POU6F2: variants seen among roughly 807,000 people sequenced by gnomAD.
The protein encoded by POU6F2 is POU class 6 homeobox 2.
POU6F2 carries 31 observed loss-of-function variants against 71.3 expected under a neutral mutation model. The observed-to-expected ratio is 0.43, with a 90% CI of 0.33 to 0.59. The LOEUF (loss-of-function observed/expected upper bound fraction) is 0.59. POU6F2 is among the 20% of genes least tolerant of loss of function. The pLI is 0.04. For synonymous variants in POU6F2, 347 were observed against 355.7 expected, an observed-to-expected ratio of 0.98 and a Z score of 0.27; for missense variants, 783 against 856.8, an observed-to-expected ratio of 0.91 and a Z score of 1.07.
At chr7:39,028,299 C>T (rs34013745) in intron 1 of POU6F2, among the ~76,000 whole-genome samples, 30,403 of 151,804 alleles carry the variant, frequency 0.2, 3,378 homozygotes, top group South Asian at 0.35. Context: ...TGTTGCTGGG[C>T]GGACATTTTT....
chr7:39,376,080 G>GA (rs1786704970), intron 5 of POU6F2, among the ~76,000 whole-genome samples: 1 of 151,964 alleles, frequency 6.6e-6, no homozygotes, highest in South Asian at 2.1e-4. Flanking sequence ...TTATTTGAAG[G>GA]AAAAAAATCC....
chr7:39,288,192 T>G (rs1334229865), intron 4 of POU6F2, among the ~76,000 whole-genome samples: 2 of 152,240 alleles, frequency 1.3e-5, no homozygotes, highest in Non-Finnish European at 2.9e-5. Context: ...TTGTGAGAGA[T>G]AATGTTAACA....
chr7:39,309,024 T>G (rs1039436324), intron 4 of POU6F2, among the ~76,000 whole-genome samples: 1 of 152,266 alleles, frequency 6.6e-6, no homozygotes, highest in African/African-American at 2.4e-5. Context: ...TACACAGATG[T>G]TACTGCTCGC....
In POU6F2 at chr7:39,207,457, C is replaced by T. The variant is rs142566948; in HGVS notation, c.435C>T (p.Ala145=). ...VAGVMPGGPP[A]LNQPILIPFN... Reference sequence around the variant, plus strand: ...GCGTGATGCCGGGAGGCCCCCCAGCCCTCAACCAGCCAATCCTCATTCCCT... The same window carrying T: ...GCGTGATGCCGGGAGGCCCCCCAGCTCTCAACCAGCCAATCCTCATTCCCT... The change falls in exon 4 of 10, where the codon GCC becomes GCT. Residue 145 remains alanine, a synonymous_variant. Coordinates refer to ENST00000518318, the MANE Select transcript of POU6F2 (RefSeq NM_001370959.1). 1.9e-6 allele frequency: 3 copies of T among 1,614,024 alleles called. No individual in the cohort carries two copies. Among genetic ancestry groups the T allele is most frequent in the Non-Finnish European group, 8.5e-7 (1 of 1,179,884 alleles).
Position 39,137,382 on chromosome 7 carries a change from T to C in POU6F2, c.277+51351T>C, listed in dbSNP as rs1212705576. Among the ~76,000 whole-genome samples the C allele has an allele frequency of 2.6e-5, 4 of 152,142 alleles. No homozygotes were observed. The East Asian group carries it at 7.7e-4, about 29-fold the overall frequency. On this transcript the variant is annotated intron_variant, in intron 2 of 9. Transcript: ENST00000518318. The stretch of plus-strand genomic sequence containing the variant: ...AATAAATTACAGCACCTCCATACAT[T>C]GGAATATTTTGAAATTATTTAAAAA...
At chr7:39,401,084 C>T (rs1787292354) in intron 5 of POU6F2, among the ~76,000 whole-genome samples, 1 of 152,210 alleles carries the variant, frequency 6.6e-6, no homozygotes, top group African/African-American at 2.4e-5. Flanking sequence ...GCGTGGATTT[C>T]TGTGGCTCCA....
chr7:39,082,998 T>C (rs1259967829), intron 1 of POU6F2, among the ~76,000 whole-genome samples: 1 of 152,102 alleles, frequency 6.6e-6, no homozygotes, highest in African/African-American at 2.4e-5. Flanking sequence ...TACATAAAAG[T>C]AATTTAAGGA....
chr7:39,044,556 A>G (rs1790252241), intron 1 of POU6F2, among the ~76,000 whole-genome samples: 1 of 151,996 alleles, frequency 6.6e-6, no homozygotes. Flanking sequence ...ATAGATTTAT[A>G]AAGCGATTTT....
intron 1 of POU6F2, among the ~76,000 whole-genome samples, chr7:39,021,026 A>G (rs934604561): frequency 1.3e-5 from 2 of 151,474 alleles, no homozygotes; most frequent in Non-Finnish European, 2.9e-5. Flanking sequence ...TCTTAACTCA[A>G]TTTTGGATCC....
intron 4 of POU6F2, among the ~76,000 whole-genome samples, chr7:39,245,129 T>C (rs1483056359): frequency 6.6e-6 from 1 of 152,214 alleles, no homozygotes. Context: ...CAAGCAAAGC[T>C]AAAGCCTACT....
At chr7:39,330,257 T>C (rs1000473590) in intron 4 of POU6F2, among the ~76,000 whole-genome samples, 1 of 152,260 alleles carries the variant, frequency 6.6e-6, no homozygotes, top group Admixed American at 6.5e-5. Flanking sequence ...TCTCTCACTC[T>C]CTTTTTCTCC....
intron 4 of POU6F2, among the ~76,000 whole-genome samples, chr7:39,325,887 C>T (rs935372655): frequency 1.3e-5 from 2 of 152,192 alleles, no homozygotes; most frequent in African/African-American, 4.8e-5. Flanking sequence ...TTTATTAACA[C>T]AGGAATATAA....
chr7:39,006,887 G>A (rs762061504), intron 1 of POU6F2: 6 of 1,611,504 alleles, frequency 3.7e-6, no homozygotes, highest in Admixed American at 3.3e-5. Flanking sequence ...TGATTTTTCA[G>A]AATGCCTACC....
intron 2 of POU6F2, among the ~76,000 whole-genome samples, chr7:39,089,053 CAGA>C (rs576932718): frequency 2.0e-5 from 3 of 152,060 alleles, no homozygotes; most frequent in Non-Finnish European, 4.4e-5. Context: ...CTCAGAATAC[CAGA>C]AGGAGAAAGG....
At chr7:39,283,483 T>G (rs1287816805) in intron 4 of POU6F2, among the ~76,000 whole-genome samples, 1 of 152,206 alleles carries the variant, frequency 6.6e-6, no homozygotes, top group Non-Finnish European at 1.5e-5. Context: ...CTCTATGAAT[T>G]TGATTACTCT....
chr7:39,030,224 A>G (rs1413393526), intron 1 of POU6F2, among the ~76,000 whole-genome samples: 2 of 151,860 alleles, frequency 1.3e-5, no homozygotes, highest in South Asian at 2.1e-4. Context: ...CATGCATTCT[A>G]TCCCTTTCTG....
At chr7:39,086,399 G>A (rs1389811302) in intron 2 of POU6F2, among the ~76,000 whole-genome samples, 3 of 152,128 alleles carry the variant, frequency 2.0e-5, no homozygotes, top group Non-Finnish European at 4.4e-5. Flanking sequence ...TTGCTTCGCA[G>A]CCTTTTGTTA....
At chr7:39,214,863 G>T (rs1794209752) in intron 4 of POU6F2, among the ~76,000 whole-genome samples, 1 of 152,242 alleles carries the variant, frequency 6.6e-6, no homozygotes. Flanking sequence ...GGAGCGGGAA[G>T]AAGGCAACAC....
At chr7:39,372,408 ATATC>A (rs1442690835) in intron 5 of POU6F2, among the ~76,000 whole-genome samples, 1 of 152,230 alleles carries the variant, frequency 6.6e-6, no homozygotes. Flanking sequence ...TCAATAGAAT[ATATC>A]TATCTATACA....
Sources: gnomAD v4.1 joint callset for allele counts (sites outside exome capture counted in the v4.1 genomes callset) on GRCh38, gnomAD v4.1.1 for gene constraint, MANE v1.5 for transcripts, NCBI Gene and HGNC (gene_info 2026-07-23, HGNC 2026-07-21) for gene names.